ETV6: variants seen among roughly 807,000 people sequenced by gnomAD.
ETV6 encodes transcription factor ETV6.
Under a neutral mutation model 51.1 loss-of-function variants are expected in ETV6, and 16 were observed. The observed-to-expected ratio is 0.31, with a 90% CI of 0.21 to 0.48. The LOEUF is 0.48. Ranked by LOEUF, ETV6 falls within the 20% of genes least tolerant of loss-of-function variation. The probability of loss-of-function intolerance (pLI) is 0.99; values close to 1 mark genes in which losing one functional copy is unlikely to be tolerated. For missense variants in ETV6, 458 were observed against 594.8 expected, an observed-to-expected ratio of 0.77 and a Z score of 2.39; for synonymous variants, 240 against 224.1, an observed-to-expected ratio of 1.07 and a Z score of -0.64.
chr12:11,863,112 T>C (rs1244420763), intron 4 of ETV6, among the ~76,000 whole-genome samples: 1 of 152,170 alleles, frequency 6.6e-6, no homozygotes, highest in African/African-American at 2.4e-5. Context: ...AGATGCAAAC[T>C]TGATCTTAGC....
At chr12:11,731,430 T>G (rs528322151) in intron 1 of ETV6, among the ~76,000 whole-genome samples, 7 of 152,350 alleles carry the variant, frequency 4.6e-5, no homozygotes, top group South Asian at 2.1e-4. Context: ...AAAGTGAGTG[T>G]TGTTTGTTTC....
chr12:11,844,980 C>T (rs1326538040), intron 3 of ETV6, among the ~76,000 whole-genome samples: 3 of 152,016 alleles, frequency 2.0e-5, no homozygotes, highest in Non-Finnish European at 4.4e-5. Flanking sequence ...TACAGGCGTG[C>T]GCCACAACAC....
chr12:11,797,460 C>G (rs1456573026), intron 2 of ETV6, among the ~76,000 whole-genome samples: 1 of 152,178 alleles, frequency 6.6e-6, no homozygotes, highest in Admixed American at 6.5e-5. Context: ...GAGCAGAAAT[C>G]CAGCCACAGA....
chr12:11,672,100 G>A (rs562602027), intron 1 of ETV6, among the ~76,000 whole-genome samples: 3 of 151,826 alleles, frequency 2.0e-5, no homozygotes, highest in African/African-American at 7.3e-5. Flanking sequence ...ACTCCAGTGG[G>A]GTGTTTCCAG....
chr12:11,825,623 C>T (rs116747956), intron 2 of ETV6: 69 of 152,278 alleles, frequency 4.5e-4, no homozygotes, highest in African/African-American at 1.6e-3. Context: ...GAGCCATTCT[C>T]AAATTAGGTC....
At chr12:11,849,166 A>G (rs756793885) in intron 3 of ETV6, among the ~76,000 whole-genome samples, 1 of 152,138 alleles carries the variant, frequency 6.6e-6, no homozygotes, top group Non-Finnish European at 1.5e-5. Context: ...GCTGGAGTGC[A>G]GTGATGTGAT....
At chr12:11,672,528 G>A (rs1236308030) in intron 1 of ETV6, among the ~76,000 whole-genome samples, 2 of 152,290 alleles carry the variant, frequency 1.3e-5, no homozygotes, top group South Asian at 2.1e-4. Flanking sequence ...ATGGGAACTC[G>A]GGCTCAGATG....
intron 1 of ETV6, among the ~76,000 whole-genome samples, chr12:11,696,016 T>C (rs1864872179): frequency 6.6e-6 from 1 of 151,414 alleles, no homozygotes; most frequent in Non-Finnish European, 1.5e-5. Context: ...GGGGAGATGA[T>C]AGGTGTAGGG....
At chr12:11,751,866 AT>A in intron 1 of ETV6, 2 of 509,526 alleles carry the variant, frequency 3.9e-6, no homozygotes, top group South Asian at 1.4e-5. Context: ...GACGTTGGAT[AT>A]TTTTGGTTGT....
chr12:11,780,051 A>G (rs1283903631), intron 2 of ETV6, among the ~76,000 whole-genome samples: 2 of 152,234 alleles, frequency 1.3e-5, no homozygotes, highest in Non-Finnish European at 2.9e-5. Flanking sequence ...CAGATGCTGA[A>G]AAACAAAAGA....
chr12:11,689,636 G>A (rs1414107286), intron 1 of ETV6, among the ~76,000 whole-genome samples: 1 of 152,026 alleles, frequency 6.6e-6, no homozygotes, highest in East Asian at 1.9e-4. Flanking sequence ...AAATAAGCTG[G>A]CATCAACTGA....
At chr12:11,752,054 G>T (rs141032357) in intron 1 of ETV6, among the ~76,000 whole-genome samples, 94 of 152,288 alleles carry the variant, frequency 6.2e-4, no homozygotes, top group African/African-American at 2.2e-3. Context: ...AGAAAACATG[G>T]CTTTAATATA....
intron 1 of ETV6, among the ~76,000 whole-genome samples, chr12:11,718,032 A>G (rs932772398): frequency 6.6e-5 from 10 of 152,294 alleles, no homozygotes; most frequent in African/African-American, 2.4e-4. Flanking sequence ...TCTTCGAAAC[A>G]TGGGGGGAAA....
At chr12:11,760,034 G>A (rs1033416595) in intron 2 of ETV6, among the ~76,000 whole-genome samples, 1 of 152,172 alleles carries the variant, frequency 6.6e-6, no homozygotes, top group East Asian at 1.9e-4. Flanking sequence ...TGCCATGGGT[G>A]GATTCTGATT....
At chr12:11,688,370 T>G (rs1336604324) in intron 1 of ETV6, among the ~76,000 whole-genome samples, 3 of 152,160 alleles carry the variant, frequency 2.0e-5, no homozygotes, top group Admixed American at 1.3e-4. Flanking sequence ...TTGGGTGCAT[T>G]GCAGGGCAGC....
intron 2 of ETV6, among the ~76,000 whole-genome samples, chr12:11,836,680 T>G (rs1240502913): frequency 6.6e-6 from 1 of 152,138 alleles, no homozygotes; most frequent in Non-Finnish European, 1.5e-5. Context: ...AATTACTACT[T>G]GCATCCCCCA....
At chr12:11,839,429 A>G in intron 3 of ETV6, 125 bp downstream of exon 3, 1 of 999,656 alleles carries the variant, frequency 1.0e-6, no homozygotes, top group South Asian at 1.7e-5. Context: ...AGGGATGACG[A>G]TGGAAGGAAG....
intron 3 of ETV6, among the ~76,000 whole-genome samples, chr12:11,843,995 A>C (rs1270101216): frequency 6.6e-6 from 1 of 151,860 alleles, no homozygotes; most frequent in East Asian, 1.9e-4. Context: ...GGACAGAATA[A>C]TTTTACAAAG....
intron 1 of ETV6, among the ~76,000 whole-genome samples, chr12:11,711,947 G>A (rs1184330985): frequency 6.6e-6 from 1 of 152,078 alleles, no homozygotes; most frequent in East Asian, 1.9e-4. Flanking sequence ...CTCCTGTTTT[G>A]TCAAGGCTCC....
Sources: gnomAD v4.1 joint callset for allele counts (sites outside exome capture counted in the v4.1 genomes callset) on GRCh38, gnomAD v4.1.1 for gene constraint, MANE v1.5 for transcripts, NCBI Gene and HGNC (gene_info 2026-07-23, HGNC 2026-07-21) for gene names.